The following CSNK1G2 variants were observed in gnomAD, a reference collection of about 807,000 sequenced individuals.
CSNK1G2 encodes the protein casein kinase 1 gamma 2, also known as casein kinase I isoform gamma-2.
Under a neutral mutation model 48.0 loss-of-function variants are expected in CSNK1G2, and 11 were observed. That is an observed-to-expected ratio of 0.23 (90% CI 0.14 to 0.38). The LOEUF is 0.38. Among genes scored for constraint, CSNK1G2 ranks in the 10% least tolerant of loss-of-function variants. CSNK1G2 has a pLI of 1.00. For missense variants in CSNK1G2, 446 were observed against 595.5 expected (o/e 0.75, Z 2.61); for synonymous variants, 337 against 254.1 (o/e 1.33, Z -3.10).
chr19:1,969,685 A>G lies in CSNK1G2; in HGVS notation c.-88A>G, dbSNP rs1568197932. On this transcript the variant is annotated 5_prime_UTR_variant, in exon 2 of 12. Coordinates refer to ENST00000255641, the MANE Select transcript of CSNK1G2 (RefSeq NM_001319.7). ...CACCGGCCGCAGTGATGTTCTAGCC[A>G]CAGAGGAGCCAAGACCTCAGGTTTC... 3.0e-5 allele frequency: 34 copies of G among 1,129,954 alleles called. No individual in the cohort carries two copies. The highest frequency in any genetic ancestry group is 3.9e-5 in the Non-Finnish European group (34 of 882,250). 70.0% of individuals were successfully genotyped at this position (1,129,954 alleles called of 1,614,324 possible).
chr19:1,968,115 C>G (rs1423752330), intron 1 of CSNK1G2, among the ~76,000 whole-genome samples: 1 of 68,406 alleles, frequency 1.5e-5, no homozygotes, highest in African/African-American at 9.5e-5. Flanking sequence ...TGCCCCCGAC[C>G]ACCCTTCAGT....
intron 1 of CSNK1G2, among the ~76,000 whole-genome samples, chr19:1,944,729 G>A (rs150893580): frequency 2.6e-5 from 4 of 152,180 alleles, no homozygotes; most frequent in Admixed American, 6.5e-5. Context: ...CTACCTCAGC[G>A]AGGGCTCAAA....
chr19:1,978,618 C>T lies in CSNK1G2; in HGVS notation c.315C>T (p.Val105=). 2 of 1,600,812 alleles carry T rather than the reference C, an allele frequency of 1.2e-6. No individual in the cohort carries two copies. The highest frequency in any genetic ancestry group is 1.7e-6 in the Non-Finnish European group (2 of 1,174,286). Residue 105 remains valine, a synonymous_variant, in exon 5 of 12, where the codon GTC becomes GTT. Transcript: ENST00000255641. This position sits in a 1 kb window ranked among gnomAD's most constrained non-coding sequence, Gnocchi z 7.3. ...QLSATEGVPQ[V]YYFGPCGKYN... ...CCGCCGCAGAGGGCGTCCCTCAGGT[C>T]TACTACTTCGGTCCGTGCGGGAAGT... is the stretch of plus-strand genomic sequence containing the variant.
At chr19:1,945,425 G>GC (rs933267882) in intron 1 of CSNK1G2, among the ~76,000 whole-genome samples, 12 of 152,230 alleles carry the variant, frequency 7.9e-5, no homozygotes, top group African/African-American at 2.7e-4. Context: ...TGCCAGCCCT[G>GC]CCCAGGGATC....
Position 1,979,527 on chromosome 19 carries a change from C to T in CSNK1G2, c.886C>T (p.Arg296Cys), listed in dbSNP as rs758150792. Residue 296 changes from arginine to cysteine, a missense_variant, in exon 9 of 12, where the codon CGC (arginine) becomes TGC (cysteine). By Grantham distance (180) the Arg-to-Cys change is radical. Around this residue, in one of 2 missense-constraint regions of CSNK1G2, gnomAD observed 188 missense variants for 179.6 expected, o/e 1.05. Transcript: ENST00000255641. The stretch of plus-strand genomic sequence containing the variant: ...GGCCACGTACCTGCGCTATGTGCGG[C>T]GCCTGGACTTCTTCGAGAAGCCCGA... ...EMATYLRYVR[R>C]LDFFEKPDYD... 8 of 1,599,326 alleles carry T rather than the reference C, an allele frequency of 5.0e-6. No individual in the cohort carries two copies. Among genetic ancestry groups the T allele is most frequent in the Non-Finnish European group, 6.8e-6 (8 of 1,175,284 alleles).
chr19:1,965,917 C>T (rs977284294), intron 1 of CSNK1G2, among the ~76,000 whole-genome samples: 2 of 152,174 alleles, frequency 1.3e-5, no homozygotes, highest in Admixed American at 1.3e-4. Flanking sequence ...TCACCTCAGT[C>T]TCCTAAGTAG....
intron 1 of CSNK1G2, chr19:1,953,459 C>T (rs2014857601): frequency 1.9e-6 from 1 of 534,348 alleles, no homozygotes; most frequent in Non-Finnish European, 3.8e-6. Flanking sequence ...TTGTTGATGG[C>T]GTCTGAGGCT....
chr19:1,953,518 G>A lies in CSNK1G2; in HGVS notation c.-266+12100G>A, dbSNP rs773639459. ...TCCGTTTGCATAATCTGAATTTTGG[G>A]AAAATTGCCCCTATGTGGACTAGTT... On this transcript the variant is annotated intron_variant, in intron 1 of 11. Transcript: ENST00000255641. 5.6e-6 allele frequency: 3 copies of A among 531,338 alleles called. No individual in the cohort carries two copies. The East Asian group carries it at 1.6e-4, about 29-fold the overall frequency. The allele number at this position is 531,338 out of a possible 1,614,324, so 32.9% of individuals were successfully genotyped here.
At chr19:1,951,034 T>A (rs2014743498) in intron 1 of CSNK1G2, among the ~76,000 whole-genome samples, 1 of 145,362 alleles carries the variant, frequency 6.9e-6, no homozygotes, top group Non-Finnish European at 1.5e-5. Context: ...TCCCCTGCTG[T>A]TGAAATGAGG....
At chr19:1,961,291 C>T (rs949341263) in intron 1 of CSNK1G2, among the ~76,000 whole-genome samples, 2 of 152,210 alleles carry the variant, frequency 1.3e-5, no homozygotes, top group African/African-American at 4.8e-5. Context: ...CTGGCCGTGG[C>T]GGGTGGAGGA....
chr19:1,950,111 TTTTA>T (rs1027610360), intron 1 of CSNK1G2, among the ~76,000 whole-genome samples: 4 of 151,230 alleles, frequency 2.6e-5, no homozygotes, highest in Admixed American at 6.6e-5. Flanking sequence ...CAACGTTTAT[TTTTA>T]TTTATTTTAT....
rs2014353976 is a variant in CSNK1G2 at position 1,941,436 on chromosome 19, C to G, written c.-266+18C>G. ...GAGCCAAGGTAACGACGCGCGCGCC[C>G]GCCCCGGCCCCTTCGCCCCCTGCAC... On this transcript the variant is annotated intron_variant, in intron 1 of 11. Transcript: ENST00000255641. 1.3e-5 allele frequency: 2 copies of G among 148,912 alleles called. No individual in the cohort carries two copies. Among genetic ancestry groups the G allele is most frequent in the African/African-American group, 2.4e-5 (1 of 40,878 alleles). The allele number at this position is 148,912 out of a possible 1,614,324, so 9.2% of individuals were successfully genotyped here.
chr19:1,971,305 T>C (rs979662426), intron 2 of CSNK1G2, among the ~76,000 whole-genome samples: 4 of 152,178 alleles, frequency 2.6e-5, no homozygotes, highest in African/African-American at 9.6e-5. Flanking sequence ...ACCCCAGCCC[T>C]TGGGGAGGCT....
intron 1 of CSNK1G2, among the ~76,000 whole-genome samples, chr19:1,946,258 A>C (rs560836095): frequency 7.4e-6 from 1 of 136,010 alleles, no homozygotes; most frequent in Non-Finnish European, 1.6e-5. Flanking sequence ...GCCCATCACT[A>C]TTTATTCGTT....
chr19:1,941,621 C>T (rs2014365046), intron 1 of CSNK1G2, among the ~76,000 whole-genome samples: 1 of 149,194 alleles, frequency 6.7e-6, no homozygotes, highest in Non-Finnish European at 1.5e-5. Flanking sequence ...GCCCCACCGC[C>T]GCAACACCCC....
At position 1,957,177 on chromosome 19, in the gene CSNK1G2, G is replaced by T. The variant is rs2015027732; in HGVS notation, c.-265-12331G>T. On this transcript the variant is annotated intron_variant, in intron 1 of 11. Transcript: ENST00000255641. The surrounding 1 kb of genome is among the most constrained non-coding windows in gnomAD (Gnocchi z 5.4). ...AGAAAGAAAAGCAACCTGGACGCAG[G>T]CCCCACCTCCCTCCAGGCAGCCCCA... 6.6e-6 allele frequency among the ~76,000 whole-genome samples: 1 copy of T among 152,188 alleles called. No individual in the cohort carries two copies. The highest frequency in any genetic ancestry group is 2.4e-5 in the African/African-American group (1 of 41,440).
In CSNK1G2 at chr19:1,957,343, C is replaced by T. The variant is rs1276656084; in HGVS notation, c.-265-12165C>T. Reference sequence around the variant, plus strand: ...GTGTGCCCGGGAGGTCACGTGGGCACCACAGACGAAAGTGGAGCCGGGGGA... The same window carrying T: ...GTGTGCCCGGGAGGTCACGTGGGCATCACAGACGAAAGTGGAGCCGGGGGA... On this transcript the variant is annotated intron_variant, in intron 1 of 11. Transcript: ENST00000255641. The surrounding 1 kb of genome is among the most constrained non-coding windows in gnomAD (Gnocchi z 5.4). Among the ~76,000 whole-genome samples the T allele has an allele frequency of 6.6e-6, 1 of 152,224 alleles. No homozygotes were observed. Among genetic ancestry groups the T allele is most frequent in the Non-Finnish European group, 1.5e-5 (1 of 68,048 alleles).
Position 1,978,559 on chromosome 19 carries a change from G to A in CSNK1G2, c.299-43G>A, listed in dbSNP as rs765215987. Reference sequence around the variant, plus strand: ...GGCGGGGGCTGCGCAGGGGCAGGGAGGGGGCTGCCGCCGCACGCCCGTGCG... The same window carrying A: ...GGCGGGGGCTGCGCAGGGGCAGGGAAGGGGCTGCCGCCGCACGCCCGTGCG... On this transcript the variant is annotated intron_variant, in intron 4 of 11. Coordinates refer to ENST00000255641, the MANE Select transcript of CSNK1G2 (RefSeq NM_001319.7). This position sits in a 1 kb window ranked among gnomAD's most constrained non-coding sequence, Gnocchi z 7.3. 8.3e-5 allele frequency: 130 copies of A among 1,570,820 alleles called. No individual in the cohort carries two copies. The South Asian group carries it at 1.4e-3, about 17-fold the overall frequency.
intron 1 of CSNK1G2, among the ~76,000 whole-genome samples, chr19:1,960,988 C>T (rs983063799): frequency 5.3e-5 from 8 of 152,232 alleles, no homozygotes; most frequent in Admixed American, 3.9e-4. Flanking sequence ...GCTGGTGGCT[C>T]ATCCAGGTGT....
Sources: gnomAD v4.1 joint callset for allele counts (sites outside exome capture counted in the v4.1 genomes callset) on GRCh38, gnomAD v4.1.1 for gene constraint, gnomAD v4.1.1 regional missense constraint, Gnocchi (gnomAD v3.1) non-coding constraint, MANE v1.5 for transcripts, NCBI Gene and HGNC (gene_info 2026-07-23, HGNC 2026-07-21) for gene names.